CALCR: variants seen among roughly 807,000 people sequenced by gnomAD.
CALCR encodes the protein calcitonin receptor.
A neutral mutation model predicts 59.5 loss-of-function variants in CALCR; 47 were observed. The ratio of observed to expected loss-of-function variants is 0.79; its 90% CI spans 0.63 to 1.01. CALCR has a LOEUF of 1.01. CALCR is among the 50% of genes least tolerant of loss of function. CALCR has a pLI of 0.00. For missense variants in CALCR, 566 were observed against 597.1 expected, an observed-to-expected ratio of 0.95 and a Z score of 0.54; for synonymous variants, 213 against 211.3, an observed-to-expected ratio of 1.01 and a Z score of -0.07.
chr7:93,520,507 A>T (rs951570787), intron 2 of CALCR, among the ~76,000 whole-genome samples: 8 of 152,076 alleles, frequency 5.3e-5, no homozygotes, highest in African/African-American at 1.7e-4. Context: ...ATTGTTCCTT[A>T]TTGTGCCATT....
intron 6 of CALCR, among the ~76,000 whole-genome samples, chr7:93,469,347 T>C (rs1394729067): frequency 1.3e-5 from 2 of 151,144 alleles, no homozygotes; most frequent in Non-Finnish European, 1.5e-5. Context: ...TTCACGATCA[T>C]GGTTAATTTT....
chr7:93,497,786 T>C (rs1399145896), intron 2 of CALCR, among the ~76,000 whole-genome samples: 1 of 151,620 alleles, frequency 6.6e-6, no homozygotes, highest in Non-Finnish European at 1.5e-5. Flanking sequence ...CTCTATTATA[T>C]CTATTTATCA....
intron 9 of CALCR, among the ~76,000 whole-genome samples, chr7:93,442,951 G>A (rs1799939588): frequency 6.6e-6 from 1 of 152,122 alleles, no homozygotes; most frequent in Admixed American, 6.5e-5. Flanking sequence ...GCAGCCCTGG[G>A]GGAAAGGGAG....
intron 2 of CALCR, among the ~76,000 whole-genome samples, chr7:93,573,103 C>A (rs1584640990): frequency 6.6e-6 from 1 of 152,282 alleles, no homozygotes; most frequent in Non-Finnish European, 1.5e-5. Flanking sequence ...TCTCATAATA[C>A]TGGTGTATAA....
Position 93,425,024 on chromosome 7 carries a change from C to T in CALCR, c.*1332G>A, listed in dbSNP as rs1799494124. ...GATTTGGAGGGTTTCAATGTACCTC[C>T]TCATTTAGCATACAAATTAAATAAT... On this transcript the variant is annotated 3_prime_UTR_variant, in exon 14 of 14. Transcript: ENST00000426151. 2 of 152,546 alleles carry T rather than the reference C, an allele frequency of 1.3e-5. No homozygotes were observed. The highest frequency in any genetic ancestry group is 4.8e-5 in the African/African-American group (2 of 41,438). The allele number at this position is 152,546 out of a possible 1,614,324, so 9.4% of individuals were successfully genotyped here.
chr7:93,523,384 A>G (rs1357963913), intron 2 of CALCR, among the ~76,000 whole-genome samples: 1 of 152,182 alleles, frequency 6.6e-6, no homozygotes, highest in Non-Finnish European at 1.5e-5. Flanking sequence ...ATGAATCCAT[A>G]TATACATTGT....
chr7:93,442,802 C>T (rs961472080), intron 9 of CALCR, among the ~76,000 whole-genome samples: 1 of 152,146 alleles, frequency 6.6e-6, no homozygotes, highest in African/African-American at 2.4e-5. Context: ...ACGAGTTCCT[C>T]CTCTGGTATG....
rs55879216 is a variant in CALCR, at chr7:93,554,769, GTATATATATATA to G, written c.-27+19508_-27+19519del. ...ATAGATGTTCAAATTGCCAGGCCATGTATATATATATATATATATATATTATACGTACATGTC... is the reference window on the plus strand; with the variant it reads ...ATAGATGTTCAAATTGCCAGGCCATGTATATATATATTATACGTACATGTC... On this transcript the variant is annotated intron_variant, in intron 2 of 13. Coordinates refer to ENST00000426151, the MANE Select transcript of CALCR (RefSeq NM_001742.4). Among the ~76,000 whole-genome samples, 13 of 117,200 alleles carry G rather than the reference GTATATATATATA, an allele frequency of 1.1e-4. 2 individuals are homozygous for G. Among genetic ancestry groups the G allele is most frequent in the African/African-American group, 4.9e-4 (11 of 22,494 alleles). 76.9% of individuals were successfully genotyped at this position (117,200 alleles called of 152,430 possible).
At chr7:93,570,754 A>G (rs1337078433) in intron 2 of CALCR, among the ~76,000 whole-genome samples, 2 of 152,192 alleles carry the variant, frequency 1.3e-5, no homozygotes, top group Non-Finnish European at 2.9e-5. Context: ...TCAATGAGGT[A>G]TATGTTGCCT....
chr7:93,504,246 A>T (rs779069047), intron 2 of CALCR, among the ~76,000 whole-genome samples: 3 of 152,158 alleles, frequency 2.0e-5, no homozygotes, highest in Non-Finnish European at 4.4e-5. Context: ...AATTCCCCCC[A>T]ACAGGGAAAA....
intron 8 of CALCR, among the ~76,000 whole-genome samples, chr7:93,447,783 C>T (rs543601457): frequency 2.0e-5 from 3 of 152,030 alleles, no homozygotes; most frequent in South Asian, 2.1e-4. Context: ...ACATGCCATA[C>T]GGTTTCATTT....
At chr7:93,427,968 AG>A (rs1799565941) in intron 13 of CALCR, among the ~76,000 whole-genome samples, 1 of 152,194 alleles carries the variant, frequency 6.6e-6, no homozygotes, top group African/African-American at 2.4e-5. Context: ...TTGGAATATT[AG>A]ACTTTTCAGA....
chr7:93,458,838 A>G (rs1043145035), intron 8 of CALCR, among the ~76,000 whole-genome samples: 3 of 152,184 alleles, frequency 2.0e-5, no homozygotes, highest in African/African-American at 4.8e-5. Flanking sequence ...AGGATAAAAC[A>G]TATGGATTCA....
At chr7:93,505,221 A>C (rs1371018818) in intron 2 of CALCR, among the ~76,000 whole-genome samples, 2 of 152,100 alleles carry the variant, frequency 1.3e-5, no homozygotes, top group Non-Finnish European at 2.9e-5. Flanking sequence ...ACTCCCCCCC[A>C]AAAATAGTTT....
intron 9 of CALCR, 57 bp from the exon 10 acceptor site, chr7:93,438,327 C>T (rs1270322469): frequency 1.6e-6 from 2 of 1,274,804 alleles, no homozygotes; most frequent in African/African-American, 1.5e-5. Context: ...CCTTTAAGTA[C>T]AGCTGCATGG....
intron 8 of CALCR, among the ~76,000 whole-genome samples, chr7:93,458,623 T>A (rs1403628106): frequency 6.6e-6 from 1 of 152,166 alleles, no homozygotes; most frequent in African/African-American, 2.4e-5. Context: ...AAGGGATATT[T>A]ATTTCTCCAC....
At chr7:93,530,902 T>C (rs1006203895) in intron 2 of CALCR, among the ~76,000 whole-genome samples, 3 of 152,092 alleles carry the variant, frequency 2.0e-5, no homozygotes, top group Non-Finnish European at 4.4e-5. Flanking sequence ...GGAGAGCTTG[T>C]CAGAAATGCA....
intron 6 of CALCR, 46 bp from the exon 7 acceptor site, chr7:93,468,852 A>ATTCATTGT: frequency 8.9e-7 from 1 of 1,128,604 alleles, no homozygotes; most frequent in Non-Finnish European, 1.3e-6. Flanking sequence ...TGAATGATTC[A>ATTCATTGT]TCAGAGAGAA....
intron 6 of CALCR, 51 bp downstream of exon 6, chr7:93,472,324 G>A: frequency 9.2e-7 from 1 of 1,083,158 alleles, no homozygotes. Flanking sequence ...CCATTTCCTT[G>A]TACAAATAAT....
Sources: gnomAD v4.1 joint callset for allele counts (sites outside exome capture counted in the v4.1 genomes callset) on GRCh38, gnomAD v4.1.1 for gene constraint, MANE v1.5 for transcripts, NCBI Gene and HGNC (gene_info 2026-07-23, HGNC 2026-07-21) for gene names.